The following C2CD2 variants were observed in gnomAD, a reference collection of about 807,000 sequenced individuals.
C2CD2 encodes the protein C2 domain-containing protein 2.
In C2CD2, 43 loss-of-function variants were observed where a neutral mutation model predicts 74.3. The ratio of observed to expected loss-of-function variants is 0.58; its 90% CI spans 0.45 to 0.75. The LOEUF (loss-of-function observed/expected upper bound fraction) is 0.75, where lower values mean the gene tolerates loss of function less well. Among genes scored for constraint, C2CD2 ranks in the 30% least tolerant of loss-of-function variants. The pLI, the probability that C2CD2 is intolerant of heterozygous loss-of-function variation, is 0.00. For synonymous variants in C2CD2, 422 were observed against 390.7 expected, an observed-to-expected ratio of 1.08 and a Z score of -0.94; for missense variants, 801 against 916.3, an observed-to-expected ratio of 0.87 and a Z score of 1.63.
chr21:41,904,581 G>C (rs2064938138), intron 11 of C2CD2, among the ~76,000 whole-genome samples: 1 of 152,220 alleles, frequency 6.6e-6, no homozygotes, highest in Non-Finnish European at 1.5e-5. Flanking sequence ...AGGAGGGGCA[G>C]GGCCTGCGTC....
intron 13 of C2CD2, among the ~76,000 whole-genome samples, chr21:41,891,909 T>C (rs1057357243): frequency 6.6e-6 from 1 of 152,122 alleles, no homozygotes; most frequent in Non-Finnish European, 1.5e-5. Flanking sequence ...GTCCCTGCAC[T>C]GAAGCTGGCC....
chr21:41,914,535 C>T, intron 6 of C2CD2, 63 bp downstream of exon 6: 1 of 1,517,380 alleles, frequency 6.6e-7, no homozygotes, highest in Non-Finnish European at 8.9e-7. Flanking sequence ...CCCCCGGAGC[C>T]CCCGACTCTG....
chr21:41,890,848 C>T (rs2839406), intron 13 of C2CD2, among the ~76,000 whole-genome samples: 19,617 of 152,150 alleles, frequency 0.13, 1,375 homozygotes, highest in South Asian at 0.17. Flanking sequence ...ATAATCAAAG[C>T]CTACTATGGG....
intron 1 of C2CD2, among the ~76,000 whole-genome samples, chr21:41,951,211 T>C (rs1432621905): frequency 6.6e-6 from 1 of 152,172 alleles, no homozygotes; most frequent in Non-Finnish European, 1.5e-5. Flanking sequence ...ATGCCATCAC[T>C]GACACGGCAG....
rs1187490772 is a variant in C2CD2, at chr21:41,944,537, A to AG, written c.280-2293_280-2292insC. Among the ~76,000 whole-genome samples, 920 of 150,072 alleles carry AG rather than the reference A, an allele frequency of 6.1e-3. 6 individuals are homozygous for AG. Among genetic ancestry groups the AG allele is most frequent in the African/African-American group, 0.021 (848 of 40,168 alleles). On this transcript the variant is annotated intron_variant, in intron 1 of 13. Coordinates refer to ENST00000380486, the MANE Select transcript of C2CD2 (RefSeq NM_015500.2). ...ACTCTGCCTCAAAAAAAAAAAAAAA[A>AG]AAAAAGAAAAGAAAAGAGTTTGCTG...
rs189818928 is a variant in C2CD2 at position 41,931,930 on chromosome 21, G to A, written c.379-9845C>T. The stretch of plus-strand genomic sequence containing the variant: ...CCAGCATCCCACCACCCCACCTCCA[G>A]CATCCCACCACCCCACCTCCAGCAT... On this transcript the variant is annotated intron_variant, in intron 2 of 13. Coordinates refer to ENST00000380486, the MANE Select transcript of C2CD2 (RefSeq NM_015500.2). Among the ~76,000 whole-genome samples, 15 of 17,690 alleles carry A rather than the reference G, an allele frequency of 8.5e-4. 1 individual carries two copies. The highest frequency in any genetic ancestry group is 2.7e-3 in the African/African-American group (14 of 5,182). 11.6% of individuals were successfully genotyped at this position (17,690 alleles called of 152,430 possible).
chr21:41,950,875 C>T (rs2065444657), intron 1 of C2CD2, among the ~76,000 whole-genome samples: 1 of 152,164 alleles, frequency 6.6e-6, no homozygotes, highest in African/African-American at 2.4e-5. Flanking sequence ...AAGTTATTAC[C>T]AGTGTCTTCT....
At chr21:41,942,999 A>G in intron 1 of C2CD2, 1 of 974,802 alleles carries the variant, frequency 1.0e-6, no homozygotes, top group Non-Finnish European at 1.2e-6. Flanking sequence ...TGGTTCTTCC[A>G]GTTAAAAATC....
chr21:41,937,278 G>A (rs563078724), intron 2 of C2CD2, among the ~76,000 whole-genome samples: 1 of 151,226 alleles, frequency 6.6e-6, no homozygotes, highest in Non-Finnish European at 1.5e-5. Context: ...CACCACGCTC[G>A]GCTAATTTTT....
At chr21:41,918,256 C>A (rs1276391791) in intron 4 of C2CD2, 29 bp from the exon 5 acceptor site, 1 of 1,611,586 alleles carries the variant, frequency 6.2e-7, no homozygotes, top group Admixed American at 1.7e-5. Flanking sequence ...GTTGACAAAT[C>A]GCCTTTGCAA....
At chr21:41,944,630 T>C (rs2065384270) in intron 1 of C2CD2, among the ~76,000 whole-genome samples, 2 of 152,156 alleles carry the variant, frequency 1.3e-5, no homozygotes, top group South Asian at 4.1e-4. Flanking sequence ...CTTTTCCTTT[T>C]CTGATCTGCC....
At chr21:41,893,704 T>C (rs1260953349) in intron 13 of C2CD2, among the ~76,000 whole-genome samples, 3 of 109,668 alleles carry the variant, frequency 2.7e-5, no homozygotes, top group Admixed American at 8.7e-5. Context: ...ATTTCTTTTT[T>C]TTTTTTTTTT....
rs2065173367 is a variant in C2CD2 at position 41,923,107 on chromosome 21, T to C, written c.379-1022A>G. Among the ~76,000 whole-genome samples the C allele has an allele frequency of 1.3e-5, 2 of 152,210 alleles. No individual in the cohort carries two copies. The highest frequency in any genetic ancestry group is 2.1e-4 in the South Asian group (1 of 4,816). ...GCCTCCCGGGTTCACACGATTCTCC[T>C]GCCTCAAACTCCCGAGTGGCTGGGT... is the stretch of plus-strand genomic sequence containing the variant. On this transcript the variant is annotated intron_variant, in intron 2 of 13. Transcript: ENST00000380486. The surrounding 1 kb of genome is among the most constrained non-coding windows in gnomAD (Gnocchi z 5.8).
At position 41,949,712 on chromosome 21, in the gene C2CD2, C is replaced by A. The variant is rs529361250; in HGVS notation, c.279+3658G>T. On this transcript the variant is annotated intron_variant, in intron 1 of 13. Transcript: ENST00000380486. Reference sequence around the variant, plus strand: ...ACACATGTTTATTGCAGCATTATTCCCAATAGCAAAGACTTGGAACCAACC... The same window carrying A: ...ACACATGTTTATTGCAGCATTATTCACAATAGCAAAGACTTGGAACCAACC... Among the ~76,000 whole-genome samples, 182 of 152,202 alleles carry A rather than the reference C, an allele frequency of 1.2e-3. 1 individual carries two copies. Among genetic ancestry groups the A allele is most frequent in the African/African-American group, 4.1e-3 (169 of 41,504 alleles).
At position 41,886,512 on chromosome 21, in the gene C2CD2, C is replaced by T. The variant is rs2064685816; in HGVS notation, c.*2612G>A. On this transcript the variant is annotated 3_prime_UTR_variant, in exon 14 of 14. Transcript: ENST00000380486. Reference sequence around the variant, plus strand: ...CCTTTGCCTTTGCTTCATAAACTCCCTCCCATGTTGGTGTTTTCTGTAACT... The same window carrying T: ...CCTTTGCCTTTGCTTCATAAACTCCTTCCCATGTTGGTGTTTTCTGTAACT... 2 of 152,344 alleles carry T rather than the reference C, an allele frequency of 1.3e-5. No individual in the cohort carries two copies. The highest frequency in any genetic ancestry group is 2.1e-4 in the South Asian group (1 of 4,832). 9.4% of individuals were successfully genotyped at this position (152,344 alleles called of 1,614,324 possible).
intron 2 of C2CD2, among the ~76,000 whole-genome samples, chr21:41,928,544 C>CGAAAA (rs2065235461): frequency 1.4e-5 from 1 of 72,266 alleles, no homozygotes; most frequent in African/African-American, 5.3e-5. Context: ...TAAAGCAAAG[C>CGAAAA]AAAAAAAAAA....
intron 7 of C2CD2, among the ~76,000 whole-genome samples, chr21:41,909,789 T>C: frequency 6.6e-6 from 1 of 152,132 alleles, no homozygotes; most frequent in Non-Finnish European, 1.5e-5. Context: ...TCAAATGCGG[T>C]AGGCACGGAG....
chr21:41,899,001 G>A lies in C2CD2; in HGVS notation c.1870+52C>T. ...GACTTCAGCTTGGAAGCCAGCATGA[G>A]CGCAAAGCCACCAAGTGGGGGGCCC... On this transcript the variant is annotated intron_variant, in intron 13 of 13. Coordinates refer to ENST00000380486, the MANE Select transcript of C2CD2 (RefSeq NM_015500.2). This position sits in a 1 kb window ranked among gnomAD's most constrained non-coding sequence, Gnocchi z 4.4. 1 of 1,399,694 alleles carries A rather than the reference G, an allele frequency of 7.1e-7. No homozygotes were observed. Among genetic ancestry groups the A allele is most frequent in the Non-Finnish European group, 1.0e-6 (1 of 1,000,368 alleles). The allele number at this position is 1,399,694 out of a possible 1,614,324, so 86.7% of individuals were successfully genotyped here.
chr21:41,899,470 C>T lies in C2CD2; in HGVS notation c.1561-108G>A. On this transcript the variant is annotated intron_variant, in intron 12 of 13. Coordinates refer to ENST00000380486, the MANE Select transcript of C2CD2 (RefSeq NM_015500.2). The surrounding 1 kb of genome is among the most constrained non-coding windows in gnomAD (Gnocchi z 4.4). ...ACATTCTGACAGCTGATTTCAAAGTCTCAGAAGATGCAGCCGTGGGCCTCA... is the reference window on the plus strand; with the variant it reads ...ACATTCTGACAGCTGATTTCAAAGTTTCAGAAGATGCAGCCGTGGGCCTCA... 1 of 1,086,590 alleles carries T rather than the reference C, an allele frequency of 9.2e-7. No homozygotes were observed. Among genetic ancestry groups the T allele is most frequent in the Admixed American group, 2.4e-5 (1 of 41,560 alleles). The allele number at this position is 1,086,590 out of a possible 1,614,324, so 67.3% of individuals were successfully genotyped here.
Sources: gnomAD v4.1 joint callset for allele counts (sites outside exome capture counted in the v4.1 genomes callset) on GRCh38, gnomAD v4.1.1 for gene constraint, Gnocchi (gnomAD v3.1) non-coding constraint, MANE v1.5 for transcripts, NCBI Gene and HGNC (gene_info 2026-07-23, HGNC 2026-07-21) for gene names.